CHD4: variants seen among roughly 807,000 people sequenced by gnomAD.
The protein encoded by CHD4 is chromodomain helicase DNA binding protein 4, also known as ATP-dependent chromatin remodeler CHD4.
A neutral mutation model predicts 235.5 loss-of-function variants in CHD4; 35 were observed. The observed-to-expected ratio is 0.15, with a 90% CI of 0.11 to 0.20. The LOEUF (loss-of-function observed/expected upper bound fraction) is 0.20. Ranked by LOEUF, CHD4 falls within the 10% of genes least tolerant of loss-of-function variation. The probability of loss-of-function intolerance (pLI) is 1.00; values close to 1 mark genes in which losing one functional copy is unlikely to be tolerated. For synonymous variants in CHD4, 900 were observed against 850.2 expected (o/e 1.06, Z -1.02); for missense variants, 1,329 against 2,432.3 (o/e 0.55, Z 9.54).
chr12:6,581,229 A>G, intron 32 of CHD4, 56 bp from the exon 33 acceptor site: 1 of 1,612,818 alleles, frequency 6.2e-7, no homozygotes, highest in Non-Finnish European at 8.5e-7. Flanking sequence ...GCCAGCAACT[A>G]AAAGGAAGAC....
chr12:6,604,708 G>A (rs905489160), intron 2 of CHD4, among the ~76,000 whole-genome samples: 1 of 152,122 alleles, frequency 6.6e-6, no homozygotes, highest in Non-Finnish European at 1.5e-5. Flanking sequence ...ATGCTGAAAT[G>A]GCAAACCGCA....
At chr12:6,577,072 G>T (rs1948083900) in intron 37 of CHD4, among the ~76,000 whole-genome samples, 1 of 152,070 alleles carries the variant, frequency 6.6e-6, no homozygotes, top group Non-Finnish European at 1.5e-5. Flanking sequence ...AAAGTGCTGG[G>T]ATTACAGGCG....
intron 38 of CHD4, 69 bp downstream of exon 38, chr12:6,573,005 A>G (rs1948003630): frequency 6.9e-7 from 1 of 1,444,612 alleles, no homozygotes; most frequent in Non-Finnish European, 9.3e-7. Flanking sequence ...GAAAACAAAT[A>G]TATGTACATT....
rs745561896 is a variant in CHD4 at position 6,602,363 on chromosome 12, G to C, written c.222+13C>G. Reference sequence around the variant, plus strand: ...TTCCTCTGATTCCCCGTAACATTCAGTCACCCACTCACCTCCTTTTTTTGG... The same window carrying C: ...TTCCTCTGATTCCCCGTAACATTCACTCACCCACTCACCTCCTTTTTTTGG... On this transcript the variant is annotated intron_variant, in intron 3 of 39. Transcript: ENST00000544040. 3.1e-5 allele frequency: 50 copies of C among 1,612,818 alleles called. No individual in the cohort carries two copies. Among genetic ancestry groups the C allele is most frequent in the East Asian group, 2.7e-4 (12 of 44,882 alleles).
intron 2 of CHD4, chr12:6,602,993 C>G (rs763553335): frequency 6.5e-6 from 1 of 152,876 alleles, no homozygotes; most frequent in Admixed American, 6.5e-5. Context: ...ACTTTGAAGT[C>G]ATCACTGCTC....
At chr12:6,596,903 G>A (rs890080417) in intron 12 of CHD4, among the ~76,000 whole-genome samples, 9 of 151,454 alleles carry the variant, frequency 5.9e-5, no homozygotes, top group Admixed American at 2.6e-4. Context: ...AGGTTGCAGT[G>A]AGCTTAGATC....
intron 3 of CHD4, 25 bp from the exon 4 acceptor site, chr12:6,602,200 G>A (rs1948608570): frequency 6.2e-7 from 1 of 1,612,256 alleles, no homozygotes; most frequent in South Asian, 1.1e-5. Flanking sequence ...GGGGGGAAGA[G>A]GGAGACAGAC....
Position 6,581,746 on chromosome 12 carries a change from CTTG to C in CHD4, c.4581_4583del (p.Asn1527del), listed in dbSNP as rs1303243029. On this transcript the variant is annotated inframe_deletion, in exon 31 of 40. Transcript: ENST00000544040. ...AGGGTGACCCTGGCTGGGACATCTT[CTTG>C]TTTTCCTCCACCTCAGCCAGTTCAG... 2.5e-6 allele frequency: 4 copies of C among 1,599,646 alleles called. No homozygotes were observed. Among genetic ancestry groups the C allele is most frequent in the Middle Eastern group, 1.7e-4 (1 of 5,980 alleles).
intron 25 of CHD4, among the ~76,000 whole-genome samples, chr12:6,586,077 G>A (rs897791899): frequency 6.6e-6 from 1 of 151,366 alleles, no homozygotes; most frequent in Non-Finnish European, 1.5e-5. Context: ...TCCAGCCTGG[G>A]CAACAGAGCA....
chr12:6,581,326 C>T lies in CHD4; in HGVS notation c.4744G>A (p.Glu1582Lys), dbSNP rs1356031766. ...KEEESIEGEK[E>K]VKSTAPETAI... ...GTCTCAGGGGCTGTAGATTTAACCT[C>T]CTTTTCTCCTTCTATGCTCTCTTCT... is the stretch of plus-strand genomic sequence containing the variant. The change falls in exon 32 of 40, where the codon GAG (glutamate) becomes AAG (lysine). Residue 1582 changes from glutamate (E) to lysine (K), a missense_variant. Around this residue, in one of 26 missense-constraint regions of CHD4, gnomAD observed 219 missense variants for 219.3 expected, o/e 1.00. Coordinates refer to ENST00000544040, the MANE Select transcript of CHD4 (RefSeq NM_001273.5). 1 of 1,614,200 alleles carries T rather than the reference C, an allele frequency of 6.2e-7. No individual in the cohort carries two copies. The highest frequency in any genetic ancestry group is 8.5e-7 in the Non-Finnish European group (1 of 1,180,030).
chr12:6,598,126 A>T (rs756169368), intron 11 of CHD4, 27 bp from the exon 12 acceptor site: 1 of 1,613,738 alleles, frequency 6.2e-7, no homozygotes, highest in Non-Finnish European at 8.5e-7. Flanking sequence ...AAAATCAGCC[A>T]CCAAGAAGCT....
Position 6,600,593 on chromosome 12 carries a change from G to A in CHD4, c.1004C>T (p.Ser335Phe). ...GCGGCTGCGGCTACTACGGCTGGTG[G>A]AACCATCAGAAACAGAATAGCTATT... is the stretch of plus-strand genomic sequence containing the variant. ...SINSYSVSDG[S>F]TSRSSRSRKK... Residue 335 changes from serine to phenylalanine, a missense_variant, in exon 8 of 40, where the codon TCC becomes TTC. Coordinates refer to ENST00000544040, the MANE Select transcript of CHD4 (RefSeq NM_001273.5). 2 of 1,614,038 alleles carry A rather than the reference G, an allele frequency of 1.2e-6. No homozygotes were observed. The highest frequency in any genetic ancestry group is 1.7e-6 in the Non-Finnish European group (2 of 1,180,036).
chr12:6,583,526 A>T, intron 25 of CHD4, 148 bp from the exon 26 acceptor site: 1 of 671,666 alleles, frequency 1.5e-6, no homozygotes, highest in South Asian at 2.0e-5. Context: ...AGAACTTAGA[A>T]GAAATTTGAT....
chr12:6,598,644 A>G (rs1360845595), intron 10 of CHD4, among the ~76,000 whole-genome samples: 2 of 152,182 alleles, frequency 1.3e-5, no homozygotes, highest in Non-Finnish European at 2.9e-5. Context: ...CCCCGTCTCT[A>G]CTAAAAATAC....
chr12:6,586,094 C>G (rs532179081), intron 25 of CHD4, among the ~76,000 whole-genome samples: 1 of 148,600 alleles, frequency 6.7e-6, no homozygotes, highest in East Asian at 2.0e-4. Context: ...AGCAAGACTC[C>G]GTATCAAAAA....
chr12:6,574,544 GAGA>G (rs1387156135), intron 37 of CHD4, among the ~76,000 whole-genome samples: 5 of 152,172 alleles, frequency 3.3e-5, no homozygotes, highest in Non-Finnish European at 7.3e-5. Flanking sequence ...CTCAACATAA[GAGA>G]AGATTTCTCA....
rs1023353657 is a variant in CHD4, at chr12:6,570,597, GC to G, written c.*78del. The G allele has an allele frequency of 1.9e-6, 3 of 1,556,632 alleles. No individual in the cohort carries two copies. The highest frequency in any genetic ancestry group is 1.4e-5 in the African/African-American group (1 of 73,728). ...CAGAAGGAAGGTGAGGGTCTCTCAG[GC>G]CCCCAGGGGAGAAGCTGGGACAAGA... On this transcript the variant is annotated 3_prime_UTR_variant, in exon 40 of 40. Coordinates refer to ENST00000544040, the MANE Select transcript of CHD4 (RefSeq NM_001273.5).
chr12:6,587,995 G>A, intron 23 of CHD4, 46 bp from the exon 24 acceptor site: 1 of 1,551,064 alleles, frequency 6.4e-7, no homozygotes, highest in Non-Finnish European at 8.9e-7. Context: ...TTTTCCTGGT[G>A]CCACTCTTAT....
intron 37 of CHD4, among the ~76,000 whole-genome samples, chr12:6,576,654 G>A (rs1020077329): frequency 1.3e-5 from 2 of 152,080 alleles, no homozygotes; most frequent in African/African-American, 2.4e-5. Context: ...TCGCCAGACT[G>A]GAGTGCAGTG....
Sources: gnomAD v4.1 joint callset for allele counts (sites outside exome capture counted in the v4.1 genomes callset) on GRCh38, gnomAD v4.1.1 for gene constraint, gnomAD v4.1.1 regional missense constraint, MANE v1.5 for transcripts, NCBI Gene and HGNC (gene_info 2026-07-23, HGNC 2026-07-21) for gene names.